Variants in CFAP92 observed in about 807,000 individuals in gnomAD.
The protein encoded by CFAP92 is cilia and flagella associated protein 92 (putative), also known as uncharacterized protein CFAP92.
In CFAP92, 86 loss-of-function variants were observed where a neutral mutation model predicts 106.3. The observed-to-expected ratio is 0.81, with a 90% confidence interval of 0.68 to 0.97. CFAP92 has a LOEUF of 0.97. Among genes scored for constraint, CFAP92 ranks in the 50% least tolerant of loss-of-function variants. The pLI, the probability that CFAP92 is intolerant of heterozygous loss-of-function variation, is 0.00. For missense variants in CFAP92, 1,204 were observed against 1,283.8 expected (o/e 0.94, Z 0.95); for synonymous variants, 477 against 506.4 (o/e 0.94, Z 0.78).
intron 9 of CFAP92, among the ~76,000 whole-genome samples, chr3:128,963,981 T>A (rs1425685683): frequency 6.6e-6 from 1 of 152,222 alleles, no homozygotes; most frequent in Non-Finnish European, 1.5e-5. Context: ...TTTCACTGAA[T>A]AAGTAAAGGC....
the CFAP92 span, among the ~76,000 whole-genome samples, chr3:129,016,550 C>A: frequency 1.3e-5 from 2 of 151,684 alleles, no homozygotes. Flanking sequence ...GTGAGCTCCA[C>A]CTGCCTGCCA....
chr3:128,913,053 T>G (rs772846883), intron 15 of CFAP92: 1 of 455,682 alleles, frequency 2.2e-6, no homozygotes, highest in South Asian at 1.6e-5. Context: ...CAGAGGCACT[T>G]AAAACATGTA....
chr3:128,956,148 G>A, intron 9 of CFAP92, among the ~76,000 whole-genome samples: 1 of 83,242 alleles, frequency 1.2e-5, no homozygotes, highest in African/African-American at 6.2e-5. Context: ...CCCCCTCTGT[G>A]AGAAACACCC....
the CFAP92 span, among the ~76,000 whole-genome samples, chr3:129,011,367 A>G: frequency 6.6e-6 from 1 of 152,170 alleles, no homozygotes; most frequent in African/African-American, 2.4e-5. Flanking sequence ...CCAGGCCAAC[A>G]TGGTGAAACC....
chr3:128,971,133 G>T, intron 8 of CFAP92, 154 bp downstream of exon 8: 2 of 1,205,590 alleles, frequency 1.7e-6, no homozygotes, highest in Non-Finnish European at 2.4e-6. Context: ...GTTTCCCCCT[G>T]TACTATGAAG....
intron 11 of CFAP92, 57 bp from the exon 12 acceptor site, chr3:128,933,054 A>G: frequency 6.9e-7 from 1 of 1,445,332 alleles, no homozygotes; most frequent in Non-Finnish European, 9.4e-7. Context: ...GACAGGTGTA[A>G]TCACTCCCAT....
At chr3:129,005,741 T>C (rs1945047386), upstream of CFAP92, among the ~76,000 whole-genome samples, 1 of 152,150 alleles carries the variant, frequency 6.6e-6, no homozygotes, top group African/African-American at 2.4e-5. Context: ...AGCTGGGAGA[T>C]GGTAAGGCAT....
At chr3:128,963,815 C>T (rs1012590889) in intron 9 of CFAP92, among the ~76,000 whole-genome samples, 30 of 149,902 alleles carry the variant, frequency 2.0e-4, no homozygotes, top group African/African-American at 7.4e-4. Context: ...CTCAGTGTTC[C>T]ATCTGCTATT....
chr3:128,953,744 T>C (rs1576499114), intron 9 of CFAP92, among the ~76,000 whole-genome samples: 1 of 120,734 alleles, frequency 8.3e-6, no homozygotes, highest in Non-Finnish European at 1.6e-5. Context: ...GCCTGCCGAG[T>C]GCCTGCGATT....
At chr3:129,000,139 CAAT>C (rs1196610093) in intron 1 of CFAP92, among the ~76,000 whole-genome samples, 1 of 152,220 alleles carries the variant, frequency 6.6e-6, no homozygotes, top group African/African-American at 2.4e-5. Context: ...CTGTAATAAA[CAAT>C]GATGCAGTGA....
intron 9 of CFAP92, among the ~76,000 whole-genome samples, chr3:128,946,849 A>G (rs1055922921): frequency 6.6e-6 from 1 of 152,246 alleles, no homozygotes; most frequent in African/African-American, 2.4e-5. Flanking sequence ...AAGGCATAAG[A>G]TATTAGAATG....
chr3:128,961,470 T>C (rs772929071), intron 9 of CFAP92, among the ~76,000 whole-genome samples: 5 of 144,770 alleles, frequency 3.5e-5, no homozygotes, highest in Non-Finnish European at 4.5e-5. Context: ...TTTTATCACC[T>C]CCCCTCCTCA....
chr3:129,001,905 G>GCCA, intron 1 of CFAP92: 1 of 1,537,886 alleles, frequency 6.5e-7, no homozygotes, highest in Non-Finnish European at 8.8e-7. Flanking sequence ...CGCGGAGGGG[G>GCCA]CCACCACGGC....
intron 4 of CFAP92, among the ~76,000 whole-genome samples, chr3:128,980,724 A>G (rs774385522): frequency 3.3e-5 from 5 of 152,132 alleles, no homozygotes; most frequent in Non-Finnish European, 7.3e-5. Context: ...AGTAGATTCC[A>G]TCTCATCTCA....
rs776208479 is a variant in CFAP92 at position 128,915,439 on chromosome 3, C to A, written c.3041G>T (p.Gly1014Val). 6.5e-7 allele frequency: 1 copy of A among 1,536,026 alleles called. No individual in the cohort carries two copies. The highest frequency in any genetic ancestry group is 2.4e-5 in the East Asian group (1 of 40,918). ...KSRQAWLTARGFQVTGLQSDT... is the reference protein window; with the variant it reads ...KSRQAWLTARVFQVTGLQSDT... ...GCTCTGAAGACCTGTCACTTGGAAT[C>A]CCCTGGCTGTGAGCCAGGCCTGGCG... is the stretch of plus-strand genomic sequence containing the variant. The change falls in exon 14 of 16, where the codon GGA (glycine) becomes GTA (valine). Residue 1014 changes from glycine to valine, a missense_variant. Transcript: ENST00000645291.
At position 128,950,994 on chromosome 3, in the gene CFAP92, G is replaced by A. The variant is rs116632498; in HGVS notation, c.1354-5019C>T. Among the ~76,000 whole-genome samples, 543 of 152,272 alleles carry A rather than the reference G, an allele frequency of 3.6e-3. 4 individuals carry two copies. Among genetic ancestry groups the A allele is most frequent in the African/African-American group, 0.013 (522 of 41,556 alleles). ...CTGCAAACAGGACTTTTTAAGGACG[G>A]TAGTCTCAGGCCCACTCTGTTCACT... On this transcript the variant is annotated intron_variant, in intron 9 of 15. Coordinates refer to ENST00000645291, the MANE Select transcript of CFAP92 (RefSeq NM_001394090.1).
chr3:129,003,096 C>CT (rs1052274844), upstream of CFAP92, among the ~76,000 whole-genome samples: 2 of 152,178 alleles, frequency 1.3e-5, no homozygotes, highest in African/African-American at 4.8e-5. Context: ...CAGGAAGAAA[C>CT]TGACATTATA....
At chr3:129,015,258 A>C in the CFAP92 span, among the ~76,000 whole-genome samples, 1 of 151,184 alleles carries the variant, frequency 6.6e-6, no homozygotes, top group East Asian at 2.0e-4. Flanking sequence ...CCCCAAGCCT[A>C]CTCCTGACCA....
At chr3:128,916,450 T>C (rs1031714093) in intron 12 of CFAP92, among the ~76,000 whole-genome samples, 179 bp from the exon 13 acceptor site, 1 of 152,126 alleles carries the variant, frequency 6.6e-6, no homozygotes, top group East Asian at 1.9e-4. Context: ...GTCCAACCTC[T>C]CACTATCCAA....
Sources: gnomAD v4.1 joint callset for allele counts (sites outside exome capture counted in the v4.1 genomes callset) on GRCh38, gnomAD v4.1.1 for gene constraint, MANE v1.5 for transcripts, NCBI Gene and HGNC (gene_info 2026-07-23, HGNC 2026-07-21) for gene names.